UNC5C: variants seen among roughly 807,000 people sequenced by gnomAD.
UNC5C encodes the protein netrin receptor UNC5C.
In UNC5C, 47 loss-of-function variants were observed where a neutral mutation model predicts 99.8. The observed-to-expected ratio is 0.47, with a 90% CI of 0.37 to 0.60. UNC5C has a LOEUF of 0.60. Among genes scored for constraint, UNC5C ranks in the 20% least tolerant of loss-of-function variants. The pLI, the probability that UNC5C is intolerant of heterozygous loss-of-function variation, is 0.00. For missense variants in UNC5C, 1,062 were observed against 1,165.9 expected (o/e 0.91, Z 1.30); for synonymous variants, 487 against 452.2 (o/e 1.08, Z -0.98).
chr4:95,368,518 A>T (rs1034882727), intron 1 of UNC5C, among the ~76,000 whole-genome samples: 1 of 152,158 alleles, frequency 6.6e-6, no homozygotes, highest in Non-Finnish European at 1.5e-5. Flanking sequence ...GCTAATGTAT[A>T]TTTATGATGC....
At chr4:95,229,504 C>T (rs1444007261) in intron 7 of UNC5C, among the ~76,000 whole-genome samples, 3 of 152,164 alleles carry the variant, frequency 2.0e-5, no homozygotes, top group Non-Finnish European at 2.9e-5. Context: ...ATATGTGCCA[C>T]ATTTTCTTTA....
intron 4 of UNC5C, among the ~76,000 whole-genome samples, chr4:95,255,566 C>T (rs1163206047): frequency 1.3e-5 from 2 of 152,158 alleles, no homozygotes; most frequent in African/African-American, 4.8e-5. Flanking sequence ...TGTCCTCACC[C>T]CCATCTGCAC....
At chr4:95,216,086 C>T (rs1738238215) in intron 10 of UNC5C, 38 bp downstream of exon 10, 1 of 1,554,308 alleles carries the variant, frequency 6.4e-7, no homozygotes. Context: ...CCAAGTTAGA[C>T]ATTGGTAAAG....
chr4:95,526,375 G>A (rs1216022329), intron 1 of UNC5C, among the ~76,000 whole-genome samples: 1 of 152,062 alleles, frequency 6.6e-6, no homozygotes, highest in Non-Finnish European at 1.5e-5. Flanking sequence ...ATGCAGCGCT[G>A]TAGATAGACA....
At chr4:95,196,429 G>A (rs1737386289) in intron 12 of UNC5C, among the ~76,000 whole-genome samples, 2 of 151,994 alleles carry the variant, frequency 1.3e-5, no homozygotes, top group Admixed American at 1.3e-4. Context: ...TCAAGCACAT[G>A]CACAGGAAAA....
At chr4:95,352,365 G>A (rs920730353) in intron 1 of UNC5C, among the ~76,000 whole-genome samples, 6 of 152,124 alleles carry the variant, frequency 3.9e-5, no homozygotes, top group Non-Finnish European at 7.4e-5. Context: ...TCTCACTGCC[G>A]TTTAGGTTTC....
chr4:95,534,470 A>T (rs1376726304), intron 1 of UNC5C, among the ~76,000 whole-genome samples: 1 of 152,202 alleles, frequency 6.6e-6, no homozygotes, highest in Non-Finnish European at 1.5e-5. Context: ...CAAAACAAAT[A>T]AGAATGAGTA....
intron 1 of UNC5C, among the ~76,000 whole-genome samples, chr4:95,496,120 G>C (rs1270164804): frequency 1.3e-5 from 2 of 151,760 alleles, no homozygotes; most frequent in African/African-American, 2.4e-5. Flanking sequence ...AAGAAAAACA[G>C]TATTATTGCA....
At chr4:95,520,359 C>T (rs1028135851) in intron 1 of UNC5C, among the ~76,000 whole-genome samples, 1 of 152,112 alleles carries the variant, frequency 6.6e-6, no homozygotes, top group African/African-American at 2.4e-5. Flanking sequence ...CATTTTTTAA[C>T]ACCGATTGAC....
chr4:95,492,831 G>T (rs1721535840), intron 1 of UNC5C, among the ~76,000 whole-genome samples: 1 of 151,322 alleles, frequency 6.6e-6, no homozygotes, highest in African/African-American at 2.4e-5. Context: ...GTGATTTTTT[G>T]CTTTATTTGA....
rs1199938167 is a variant in UNC5C at position 95,162,656 on chromosome 4, C to A, written c.*6578G>T. The A allele has an allele frequency of 1.3e-5, 2 of 152,122 alleles. No individual in the cohort carries two copies. The highest frequency in any genetic ancestry group is 2.9e-5 in the Non-Finnish European group (2 of 68,024). The allele number at this position is 152,122 out of a possible 1,614,324, so 9.4% of individuals were successfully genotyped here. A position where few individuals can be genotyped will look rare whatever the true frequency, so the allele number is the denominator to read the frequency against. ...CAGCCAGGGAGAGAAAAGAGGCACA[C>A]CCGGAGCTGGTATCCCTCACCTCCA... On this transcript the variant is annotated 3_prime_UTR_variant, in exon 16 of 16. Transcript: ENST00000453304.
At chr4:95,400,426 T>C (rs752612123) in intron 1 of UNC5C, among the ~76,000 whole-genome samples, 5 of 130,392 alleles carry the variant, frequency 3.8e-5, no homozygotes, top group Admixed American at 3.5e-4. Context: ...CGGAGTCTCG[T>C]TCTGTCACCC....
chr4:95,530,739 G>A (rs1051386164), intron 1 of UNC5C, among the ~76,000 whole-genome samples: 1 of 152,102 alleles, frequency 6.6e-6, no homozygotes, highest in Non-Finnish European at 1.5e-5. Flanking sequence ...CTTATCATAT[G>A]GCTTATTATT....
chr4:95,545,234 A>G (rs1175950742), intron 1 of UNC5C, among the ~76,000 whole-genome samples: 3 of 152,228 alleles, frequency 2.0e-5, no homozygotes, highest in Non-Finnish European at 2.9e-5. Context: ...CAGGGAGTCA[A>G]TAAATGTCAG....
chr4:95,294,573 C>A (rs1741605280), intron 3 of UNC5C, among the ~76,000 whole-genome samples: 1 of 152,060 alleles, frequency 6.6e-6, no homozygotes, highest in Non-Finnish European at 1.5e-5. Context: ...ATAAGGGTGA[C>A]CATATGGCAT....
chr4:95,367,686 T>C (rs1744615273), intron 1 of UNC5C, among the ~76,000 whole-genome samples: 1 of 152,188 alleles, frequency 6.6e-6, no homozygotes, highest in South Asian at 2.1e-4. Flanking sequence ...ACTTTGAACA[T>C]ACTATTTATC....
chr4:95,337,669 A>C (rs1743402067), intron 1 of UNC5C, among the ~76,000 whole-genome samples: 1 of 152,118 alleles, frequency 6.6e-6, no homozygotes, highest in African/African-American at 2.4e-5. Context: ...TTGACTTTTA[A>C]GACAACATGA....
chr4:95,239,532 T>C (rs1170733308), intron 7 of UNC5C, among the ~76,000 whole-genome samples: 1 of 152,126 alleles, frequency 6.6e-6, no homozygotes, highest in East Asian at 1.9e-4. Context: ...GGGACCCATG[T>C]CCATATCCAG....
At chr4:95,384,177 G>A (rs1217958564) in intron 1 of UNC5C, among the ~76,000 whole-genome samples, 1 of 152,170 alleles carries the variant, frequency 6.6e-6, no homozygotes, top group Non-Finnish European at 1.5e-5. Flanking sequence ...AAGCCCATCT[G>A]TACCTACTTT....
Sources: gnomAD v4.1 joint callset for allele counts (sites outside exome capture counted in the v4.1 genomes callset) on GRCh38, gnomAD v4.1.1 for gene constraint, MANE v1.5 for transcripts, NCBI Gene and HGNC (gene_info 2026-07-23, HGNC 2026-07-21) for gene names.